SRGAP3: variants seen among roughly 807,000 people sequenced by gnomAD.
SRGAP3 encodes SLIT-ROBO Rho GTPase-activating protein 3.
Under a neutral mutation model 121.1 loss-of-function variants are expected in SRGAP3, and 39 were observed. That is an observed-to-expected ratio of 0.32 (90% CI 0.25 to 0.42). The LOEUF (loss-of-function observed/expected upper bound fraction) is 0.42. Ranked by LOEUF, SRGAP3 falls within the 10% of genes least tolerant of loss-of-function variation. SRGAP3 has a pLI of 1.00. For missense variants in SRGAP3, 1,213 were observed against 1,470.6 expected (o/e 0.82, Z 2.86); for synonymous variants, 601 against 570.0 (o/e 1.05, Z -0.77).
rs1016133839 is a variant in SRGAP3, at chr3:9,239,979, C to G, written c.67+8906G>C. Among the ~76,000 whole-genome samples the G allele has an allele frequency of 1.3e-4, 20 of 152,154 alleles. No individual in the cohort carries two copies. Among genetic ancestry groups the G allele is most frequent in the African/African-American group, 4.8e-4 (20 of 41,440 alleles). On this transcript the variant is annotated intron_variant, in intron 1 of 21. Transcript: ENST00000383836. The surrounding 1 kb of genome is among the most constrained non-coding windows in gnomAD (Gnocchi z 4.0). ...AGTCCATGAAAAATATCTACACAAT[C>G]AAGTAAGTTTGAGGAAACTCCATGG...
At chr3:9,254,815 AAAAG>A (rs1012543817) in intron 3 of SRGAP3, among the ~76,000 whole-genome samples, 6 of 149,974 alleles carry the variant, frequency 4.0e-5, no homozygotes, top group African/African-American at 9.8e-5. Flanking sequence ...GAAAGAAAGA[AAAAG>A]AGAGAGAGAG....
At chr3:9,048,164 G>A (rs1366076006) in intron 9 of SRGAP3, among the ~76,000 whole-genome samples, 1 of 152,254 alleles carries the variant, frequency 6.6e-6, no homozygotes, top group Non-Finnish European at 1.5e-5. Flanking sequence ...CCAGAGCAGT[G>A]CACCTCAGAG....
rs555042341 is a variant in SRGAP3 at position 9,243,983 on chromosome 3, C to G, written c.67+4902G>C. Among the ~76,000 whole-genome samples, 5 of 152,316 alleles carry G rather than the reference C, an allele frequency of 3.3e-5. No individual in the cohort carries two copies. In the South Asian group the frequency reaches 8.3e-4, roughly 25 times the overall value. ...CACATTCCTGCCTAGGAAGAGCAGG[C>G]TGGAGCAGCATCTGCCTTCTCTAGA... is the stretch of plus-strand genomic sequence containing the variant. On this transcript the variant is annotated intron_variant, in intron 1 of 21. Coordinates refer to ENST00000383836, the MANE Select transcript of SRGAP3 (RefSeq NM_014850.4).
At chr3:9,020,377 T>C (rs1943856563) in intron 14 of SRGAP3, among the ~76,000 whole-genome samples, 1 of 152,108 alleles carries the variant, frequency 6.6e-6, no homozygotes, top group Non-Finnish European at 1.5e-5. Flanking sequence ...GCTGTCTTAG[T>C]TGAACTGGGG....
intron 4 of SRGAP3, among the ~76,000 whole-genome samples, chr3:9,077,227 C>T (rs9811254): frequency 0.048 from 7,267 of 151,432 alleles, 596 homozygotes; most frequent in African/African-American, 0.17. Flanking sequence ...TGTATTCATC[C>T]CTCCCTCCTC....
chr3:9,179,005 G>A (rs1324877650), intron 1 of SRGAP3, among the ~76,000 whole-genome samples: 1 of 151,996 alleles, frequency 6.6e-6, no homozygotes. Context: ...TCTCCCCCAT[G>A]TCCCCTGTTC....
intron 1 of SRGAP3, among the ~76,000 whole-genome samples, chr3:9,185,743 C>A (rs557905735): frequency 2.6e-5 from 4 of 151,916 alleles, no homozygotes; most frequent in Non-Finnish European, 5.9e-5. Context: ...TACTATGTTG[C>A]TCAGGCTGGT....
chr3:9,164,444 C>T (rs530404171), intron 1 of SRGAP3, among the ~76,000 whole-genome samples: 1 of 152,082 alleles, frequency 6.6e-6, no homozygotes, highest in South Asian at 2.1e-4. Context: ...CATGTACAAC[C>T]ATGTCCCGCT....
At chr3:9,344,427 C>T (rs768034693) in intron 1 of SRGAP3, among the ~76,000 whole-genome samples, 19 of 152,034 alleles carry the variant, frequency 1.2e-4, no homozygotes, top group African/African-American at 9.7e-5. Context: ...CGGACTCTAG[C>T]CTGGGCAACA....
chr3:9,246,715 C>A (rs983491507), intron 1 of SRGAP3, among the ~76,000 whole-genome samples: 1 of 152,206 alleles, frequency 6.6e-6, no homozygotes, highest in East Asian at 1.9e-4. Flanking sequence ...GATTAACACA[C>A]AGAATTTTAA....
chr3:9,165,003 T>C (rs895948829), intron 1 of SRGAP3, among the ~76,000 whole-genome samples: 1 of 152,192 alleles, frequency 6.6e-6, no homozygotes, highest in African/African-American at 2.4e-5. Context: ...CATGATCCCA[T>C]ACATTTTGGA....
intron 14 of SRGAP3, among the ~76,000 whole-genome samples, chr3:9,016,439 C>T (rs146738286): frequency 6.6e-6 from 1 of 152,154 alleles, no homozygotes; most frequent in Non-Finnish European, 1.5e-5. Flanking sequence ...TGATTAGACT[C>T]CAATTAAATA....
At chr3:9,287,536 G>C (rs1239221946) in intron 3 of SRGAP3, among the ~76,000 whole-genome samples, 1 of 152,102 alleles carries the variant, frequency 6.6e-6, no homozygotes, top group Admixed American at 6.6e-5. Flanking sequence ...TTCTCACTTA[G>C]AAGTGGGAGC....
chr3:9,043,988 C>T lies in SRGAP3; in HGVS notation c.1408+3403G>A, dbSNP rs145275224. 1.9e-3 allele frequency among the ~76,000 whole-genome samples: 284 copies of T among 152,238 alleles called. 3 individuals carry two copies. In the Middle Eastern group the frequency reaches 0.031, roughly 16 times the overall value. ...TGATGATAAACTGAGAATTCTCTGG[C>T]CAATAAAATGGCATAGCAACAGCCA... On this transcript the variant is annotated intron_variant, in intron 10 of 21. Transcript: ENST00000383836.
intron 2 of SRGAP3, among the ~76,000 whole-genome samples, chr3:9,117,162 G>A (rs531830008): frequency 5.3e-5 from 8 of 152,242 alleles, no homozygotes; most frequent in Non-Finnish European, 1.2e-4. Context: ...AGCCCTACTG[G>A]AGGGCTTTCT....
chr3:9,137,599 A>C (rs1949712161), intron 1 of SRGAP3, among the ~76,000 whole-genome samples: 1 of 152,228 alleles, frequency 6.6e-6, no homozygotes, highest in Non-Finnish European at 1.5e-5. Flanking sequence ...TTGGATATAC[A>C]TGCACGGCTG....
intron 1 of SRGAP3, among the ~76,000 whole-genome samples, chr3:9,340,721 T>C (rs142288504): frequency 1.3e-5 from 2 of 152,264 alleles, no homozygotes; most frequent in Admixed American, 6.5e-5. Context: ...GCCCCATTTC[T>C]TGATGTGTAC....
chr3:9,113,255 G>A (rs373467653), intron 2 of SRGAP3, among the ~76,000 whole-genome samples: 5 of 152,232 alleles, frequency 3.3e-5, no homozygotes, highest in South Asian at 2.1e-4. Flanking sequence ...TCAAGGTGTC[G>A]GCAGGGTTGG....
Position 9,318,980 on chromosome 3 carries a change from A to C in SRGAP3, n.442+7030T>G, listed in dbSNP as rs1315267468. Among the ~76,000 whole-genome samples the C allele has an allele frequency of 3.9e-5, 6 of 151,952 alleles. No homozygotes were observed. The East Asian group carries it at 1.2e-3, about 29-fold the overall frequency. ...TGCCATTTTCTTCCCTGAGTCAATA[A>C]GCACAGAATGGCTTGCCTGCTTGAG... On this transcript the variant is annotated intron_variant and non_coding_transcript_variant, in intron 3 of 3. Coordinates refer to the SRGAP3 transcript ENST00000490889.
Sources: allele counts gnomAD v4.1 joint callset (sites outside exome capture counted in the v4.1 genomes callset), GRCh38; gene constraint gnomAD v4.1.1; non-coding constraint Gnocchi (gnomAD v3.1); transcripts MANE v1.5; gene names NCBI Gene and HGNC (gene_info 2026-07-23, HGNC 2026-07-21).